The following PDE1A variants were observed in gnomAD, a reference collection of about 807,000 sequenced individuals.
PDE1A encodes phosphodiesterase 1A, also known as dual specificity calcium/calmodulin-dependent 3',5'-cyclic nucleotide phosphodiesterase 1A.
Under a neutral mutation model 61.7 loss-of-function variants are expected in PDE1A, and 35 were observed. The observed-to-expected ratio is 0.57, with a 90% CI of 0.43 to 0.75. The LOEUF (loss-of-function observed/expected upper bound fraction) is 0.75. Among genes scored for constraint, PDE1A ranks in the 30% least tolerant of loss-of-function variants. The pLI, the probability that PDE1A is intolerant of heterozygous loss-of-function variation, is 0.00. For missense variants in PDE1A, 597 were observed against 630.6 expected (o/e 0.95, Z 0.57); for synonymous variants, 232 against 213.2 (o/e 1.09, Z -0.77).
the PDE1A span, among the ~76,000 whole-genome samples, chr2:182,688,692 T>C: frequency 1.3e-5 from 2 of 152,114 alleles, no homozygotes; most frequent in African/African-American, 4.8e-5. Context: ...TAACCTTAAA[T>C]GTAAATGAGC....
At chr2:182,655,399 A>C in the PDE1A span, among the ~76,000 whole-genome samples, 2,135 of 152,276 alleles carry the variant, frequency 0.014, 30 homozygotes, top group Middle Eastern at 0.027. Context: ...AGGTGAACCC[A>C]AGTCAATAAA....
downstream of PDE1A, among the ~76,000 whole-genome samples, chr2:182,144,192 CA>C (rs1690373716): frequency 6.6e-6 from 1 of 152,192 alleles, no homozygotes. Context: ...AAAGAGTAGA[CA>C]CCGGTCGTGA....
At chr2:182,683,926 C>T in the PDE1A span, among the ~76,000 whole-genome samples, 1 of 151,806 alleles carries the variant, frequency 6.6e-6, no homozygotes, top group Non-Finnish European at 1.5e-5. Flanking sequence ...TCGAGACCAG[C>T]CAGACCAACA....
the PDE1A span, among the ~76,000 whole-genome samples, chr2:182,616,991 T>G: frequency 3.3e-5 from 5 of 152,200 alleles, no homozygotes; most frequent in Non-Finnish European, 7.3e-5. Flanking sequence ...TTAAAAGTTT[T>G]GTGGTGTGTG....
chr2:182,687,478 T>A, the PDE1A span, among the ~76,000 whole-genome samples: 1 of 152,154 alleles, frequency 6.6e-6, no homozygotes, highest in Non-Finnish European at 1.5e-5. Flanking sequence ...GGGTCCTGAC[T>A]GTTAAAAGGA....
At chr2:182,237,879 G>C (rs1282672519) in intron 3 of PDE1A, among the ~76,000 whole-genome samples, 1 of 152,200 alleles carries the variant, frequency 6.6e-6, no homozygotes, top group Non-Finnish European at 1.5e-5. Flanking sequence ...GTTCAGTCAA[G>C]GATGAAGGTT....
At chr2:182,495,117 G>A (rs1212351078) in intron 2 of PDE1A, among the ~76,000 whole-genome samples, 11 of 152,258 alleles carry the variant, frequency 7.2e-5, no homozygotes, top group South Asian at 4.1e-4. Flanking sequence ...TAAGGTGCAC[G>A]TGGCCGGCAG....
intron 2 of PDE1A, among the ~76,000 whole-genome samples, chr2:182,244,024 C>G (rs187455705): frequency 1.3e-5 from 2 of 152,174 alleles, no homozygotes; most frequent in African/African-American, 4.8e-5. Context: ...CGTGCCACCA[C>G]GCCTGGCTAA....
chr2:182,693,298 T>C, the PDE1A span, among the ~76,000 whole-genome samples: 5 of 152,320 alleles, frequency 3.3e-5, no homozygotes, highest in African/African-American at 9.6e-5. Flanking sequence ...CCCCATCCCA[T>C]ATTATTTTGA....
intron 2 of PDE1A, among the ~76,000 whole-genome samples, chr2:182,475,453 C>T (rs546139463): frequency 6.6e-6 from 1 of 151,982 alleles, no homozygotes; most frequent in Non-Finnish European, 1.5e-5. Context: ...AATAAATTTG[C>T]AAACTGAGAA....
chr2:182,405,371 T>G (rs1702243363), intron 1 of PDE1A, among the ~76,000 whole-genome samples: 1 of 152,246 alleles, frequency 6.6e-6, no homozygotes, highest in Non-Finnish European at 1.5e-5. Flanking sequence ...CATCTAATAC[T>G]GCATGGGGCC....
the PDE1A span, among the ~76,000 whole-genome samples, chr2:182,660,779 TAA>T: frequency 6.6e-6 from 1 of 152,172 alleles, no homozygotes; most frequent in African/African-American, 2.4e-5. Flanking sequence ...AACGAACTTG[TAA>T]AAGGTCCCTA....
At chr2:182,148,602 G>T (rs1163844218) in intron 13 of PDE1A, among the ~76,000 whole-genome samples, 3 of 152,124 alleles carry the variant, frequency 2.0e-5, no homozygotes, top group Non-Finnish European at 2.9e-5. Context: ...TGTCTGCTGA[G>T]GTCCCATCAG....
chr2:182,633,768 G>A, the PDE1A span, among the ~76,000 whole-genome samples: 1 of 151,910 alleles, frequency 6.6e-6, no homozygotes, highest in African/African-American at 2.4e-5. Context: ...CTCACAACAC[G>A]TAAGTCCAAA....
chr2:182,389,741 G>A (rs1701315172), intron 1 of PDE1A, among the ~76,000 whole-genome samples: 2 of 152,142 alleles, frequency 1.3e-5, no homozygotes, highest in South Asian at 4.1e-4. Context: ...ATTCCAGTCG[G>A]TGGATTGGGA....
chr2:182,656,330 C>T, the PDE1A span, among the ~76,000 whole-genome samples: 1 of 152,132 alleles, frequency 6.6e-6, no homozygotes, highest in South Asian at 2.1e-4. Flanking sequence ...ACAATCAAAA[C>T]CTCTAAAAAT....
At chr2:182,325,766 A>T (rs1469345804) in intron 1 of PDE1A, among the ~76,000 whole-genome samples, 1 of 152,146 alleles carries the variant, frequency 6.6e-6, no homozygotes, top group Admixed American at 6.6e-5. Flanking sequence ...AAAATACAAA[A>T]AAATTAGCCT....
chr2:182,260,665 T>A (rs1298629016), intron 2 of PDE1A, among the ~76,000 whole-genome samples: 1 of 152,198 alleles, frequency 6.6e-6, no homozygotes, highest in Non-Finnish European at 1.5e-5. Flanking sequence ...TTATTTTTCA[T>A]GGGTGTGGAT....
the PDE1A span, among the ~76,000 whole-genome samples, chr2:182,671,170 T>C: frequency 6.6e-6 from 1 of 151,036 alleles, no homozygotes. Context: ...AGTCTATGGA[T>C]CACACTTTTT....
Sources: allele counts gnomAD v4.1 joint callset (sites outside exome capture counted in the v4.1 genomes callset), GRCh38; gene constraint gnomAD v4.1.1; transcripts MANE v1.5; gene names NCBI Gene and HGNC (gene_info 2026-07-23, HGNC 2026-07-21).